The following ADCY9 variants were observed in gnomAD, a reference collection of about 807,000 sequenced individuals.
ADCY9 encodes adenylate cyclase type 9.
Under a neutral mutation model 101.5 loss-of-function variants are expected in ADCY9, and 50 were observed. The observed-to-expected ratio is 0.49, with a 90% CI of 0.39 to 0.62. The LOEUF is 0.62. ADCY9 is among the 20% of genes least tolerant of loss of function. ADCY9 has a pLI of 0.00. For missense variants in ADCY9, 1,662 were observed against 1,800.4 expected (o/e 0.92, Z 1.39); for synonymous variants, 905 against 769.3 (o/e 1.18, Z -2.92).
intron 2 of ADCY9, among the ~76,000 whole-genome samples, chr16:4,097,487 T>TATATATATATATATATACACACACAC (rs76750792): frequency 8.3e-5 from 6 of 72,496 alleles, no homozygotes; most frequent in Non-Finnish European, 1.1e-4. Flanking sequence ...TATATATATA[T>TATATATATATATATATACACACACAC]ACACACACAC....
chr16:4,084,476 A>T (rs2056924967), intron 2 of ADCY9, among the ~76,000 whole-genome samples: 1 of 151,992 alleles, frequency 6.6e-6, no homozygotes. Flanking sequence ...CTGTAATCTC[A>T]ACACTCTGGG....
chr16:4,044,476 A>AT (rs1180552727), intron 2 of ADCY9, among the ~76,000 whole-genome samples: 1 of 152,216 alleles, frequency 6.6e-6, no homozygotes, highest in Non-Finnish European at 1.5e-5. Flanking sequence ...AGCAAAGGAA[A>AT]TCAAAAAAAG....
chr16:4,071,899 C>T (rs1203506504), intron 2 of ADCY9, among the ~76,000 whole-genome samples: 3 of 152,146 alleles, frequency 2.0e-5, no homozygotes, highest in African/African-American at 7.2e-5. Context: ...CAACCTCCAC[C>T]TCCCGGGTTC....
chr16:4,067,205 A>G (rs2056805915), intron 2 of ADCY9, among the ~76,000 whole-genome samples: 1 of 152,248 alleles, frequency 6.6e-6, no homozygotes, highest in Non-Finnish European at 1.5e-5. Flanking sequence ...AAAAAATGGA[A>G]TTGTTAAACA....
chr16:4,024,305 G>C (rs1033295459), intron 2 of ADCY9, among the ~76,000 whole-genome samples: 3 of 152,180 alleles, frequency 2.0e-5, no homozygotes, highest in Non-Finnish European at 2.9e-5. Flanking sequence ...ATAGGCATAA[G>C]CCACTGCACC....
intron 2 of ADCY9, among the ~76,000 whole-genome samples, chr16:4,009,274 TTTTG>T: frequency 6.6e-6 from 1 of 152,044 alleles, no homozygotes; most frequent in African/African-American, 2.4e-5. Context: ...TTTTGTTTTG[TTTTG>T]TTTTTCCTTT....
intron 10 of ADCY9, among the ~76,000 whole-genome samples, chr16:3,969,554 T>G (rs1259389844): frequency 1.8e-5 from 2 of 113,476 alleles, no homozygotes; most frequent in African/African-American, 3.1e-5. Context: ...GCACAATTTC[T>G]TAAAGTTTGT....
chr16:4,015,430 G>A (rs1482475913), intron 2 of ADCY9: 1 of 151,822 alleles, frequency 6.6e-6, no homozygotes, highest in Non-Finnish European at 1.5e-5. Context: ...ATGAGTCTCT[G>A]AGAGACGACA....
intron 10 of ADCY9, 108 bp from the exon 11 acceptor site, chr16:3,967,074 C>A (rs2056005829): frequency 1.1e-6 from 1 of 877,928 alleles, no homozygotes; most frequent in Non-Finnish European, 1.8e-6. Context: ...CCTTCAACAA[C>A]CTGAAGCTGT....
intron 2 of ADCY9, among the ~76,000 whole-genome samples, chr16:4,047,802 G>A (rs577688495): frequency 1.1e-4 from 17 of 152,250 alleles, no homozygotes; most frequent in African/African-American, 2.2e-4. Flanking sequence ...CAGGTGATCC[G>A]CCCGCCTCGG....
chr16:3,984,911 C>G (rs1305947044), intron 6 of ADCY9, among the ~76,000 whole-genome samples: 1 of 152,134 alleles, frequency 6.6e-6, no homozygotes, highest in Non-Finnish European at 1.5e-5. Flanking sequence ...CTCCCAGGAA[C>G]TAGGTGGGAG....
At chr16:4,066,983 C>T (rs550529866) in intron 2 of ADCY9, among the ~76,000 whole-genome samples, 3 of 152,262 alleles carry the variant, frequency 2.0e-5, no homozygotes, top group Admixed American at 6.5e-5. Context: ...AGTGCAACTT[C>T]AATACTAAAT....
chr16:4,052,290 T>G (rs1313139460), intron 2 of ADCY9, among the ~76,000 whole-genome samples: 1 of 152,206 alleles, frequency 6.6e-6, no homozygotes, highest in East Asian at 1.9e-4. Context: ...CTGGGCGGGC[T>G]CCGGGGCCTC....
intron 2 of ADCY9, among the ~76,000 whole-genome samples, chr16:4,110,376 CTTTTTTT>C (rs1170090126): frequency 9.0e-6 from 1 of 110,742 alleles, no homozygotes; most frequent in Admixed American, 9.5e-5. Context: ...CTTATACCTA[CTTTTTTT>C]TTTTTTTTTT....
intron 3 of ADCY9, among the ~76,000 whole-genome samples, chr16:3,996,951 A>C (rs2531975): frequency 0.093 from 14,147 of 151,804 alleles, 923 homozygotes; most frequent in East Asian, 0.29. Flanking sequence ...TGCAACCTCC[A>C]CCTCCTGGGT....
chr16:4,042,085 G>A (rs574615219), intron 2 of ADCY9, among the ~76,000 whole-genome samples: 1 of 151,978 alleles, frequency 6.6e-6, no homozygotes, highest in Admixed American at 6.6e-5. Context: ...CACCACTCCT[G>A]GCTAATTTTT....
chr16:4,015,476 C>T (rs1247823412), intron 2 of ADCY9: 1 of 152,158 alleles, frequency 6.6e-6, no homozygotes. Context: ...CACCAGCGAA[C>T]AGCCCACCAG....
chr16:3,966,444 C>T lies in ADCY9; in HGVS notation c.3393G>A (p.Pro1131=), dbSNP rs201993529. ...CGAACAGGATCTGCAGGTGCTCCTG[C>T]GGGTGGCTGCCGTCCTGGGCCTGCG... ...NTAQAQDGSH[P]QEHLQILFEF... Residue 1131 remains proline (P), a synonymous_variant, in exon 11 of 11, where the codon CCG becomes CCA. Coordinates refer to ENST00000294016, the MANE Select transcript of ADCY9 (RefSeq NM_001116.4). 7.4e-6 allele frequency: 12 copies of T among 1,613,984 alleles called. No homozygotes were observed. The highest frequency in any genetic ancestry group is 3.3e-5 in the Admixed American group (2 of 60,002).
chr16:4,015,183 C>T (rs12929944), intron 2 of ADCY9, among the ~76,000 whole-genome samples: 7,845 of 151,864 alleles, frequency 0.052, 266 homozygotes, highest in Non-Finnish European at 0.082. Flanking sequence ...CCTCATGATC[C>T]GCCCACCTCA....
Sources: allele counts gnomAD v4.1 joint callset (sites outside exome capture counted in the v4.1 genomes callset), GRCh38; gene constraint gnomAD v4.1.1; transcripts MANE v1.5; gene names NCBI Gene and HGNC (gene_info 2026-07-23, HGNC 2026-07-21).